DGKB: variants seen among roughly 807,000 people sequenced by gnomAD.
The protein encoded by DGKB is 90 kDa diacylglycerol kinase.
A neutral mutation model predicts 114.3 loss-of-function variants in DGKB; 67 were observed. That is an observed-to-expected ratio of 0.59 (90% confidence interval 0.48 to 0.72). The LOEUF (loss-of-function observed/expected upper bound fraction) is 0.72. Ranked by LOEUF, DGKB falls within the 30% of genes least tolerant of loss-of-function variation. The pLI is 0.00. For synonymous variants in DGKB, 398 were observed against 323.1 expected, an observed-to-expected ratio of 1.23 and a Z score of -2.49; for missense variants, 907 against 975.2, an observed-to-expected ratio of 0.93 and a Z score of 0.93.
chr7:14,363,320 T>G (rs1183507769), intron 21 of DGKB, among the ~76,000 whole-genome samples: 1 of 152,162 alleles, frequency 6.6e-6, no homozygotes, highest in Non-Finnish European at 1.5e-5. Context: ...GCTTTCATAA[T>G]CTTTGCCTAT....
chr7:14,487,144 T>G (rs1462073755), intron 20 of DGKB, among the ~76,000 whole-genome samples: 1 of 152,170 alleles, frequency 6.6e-6, no homozygotes, highest in Non-Finnish European at 1.5e-5. Context: ...GTGGTAGTTG[T>G]GCCTTGTAAT....
chr7:14,965,122 A>T (rs1787079157), intron 1 of DGKB, among the ~76,000 whole-genome samples: 1 of 152,132 alleles, frequency 6.6e-6, no homozygotes. Context: ...TTGGAAGAGA[A>T]TACATTTTAT....
intron 1 of DGKB, among the ~76,000 whole-genome samples, chr7:14,901,669 G>C (rs1783102682): frequency 7.1e-6 from 1 of 140,916 alleles, no homozygotes; most frequent in South Asian, 2.3e-4. Context: ...AGAGGACCTG[G>C]TTAGGTACCC....
chr7:14,322,966 G>A (rs889277681), intron 23 of DGKB, among the ~76,000 whole-genome samples: 4 of 152,070 alleles, frequency 2.6e-5, no homozygotes, highest in Non-Finnish European at 4.4e-5. Flanking sequence ...TGATCATAGC[G>A]CAAATCAGTA....
At chr7:14,260,522 T>G (rs2128411185) in intron 23 of DGKB, among the ~76,000 whole-genome samples, 1 of 152,336 alleles carries the variant, frequency 6.6e-6, no homozygotes, top group East Asian at 1.9e-4. Context: ...ATCATCATTT[T>G]ATAAGAAGTC....
At chr7:14,347,023 T>C (rs928430398) in intron 21 of DGKB, among the ~76,000 whole-genome samples, 1 of 152,062 alleles carries the variant, frequency 6.6e-6, no homozygotes, top group Non-Finnish European at 1.5e-5. Flanking sequence ...ACACTCTCTC[T>C]GTTAAGTACT....
chr7:14,948,541 T>C (rs796101743), intron 1 of DGKB, among the ~76,000 whole-genome samples: 21 of 151,948 alleles, frequency 1.4e-4, no homozygotes, highest in African/African-American at 3.6e-4. Context: ...AAAAAATAGA[T>C]CTTCCAGGAA....
chr7:14,436,731 C>T (rs1829331423), intron 21 of DGKB, among the ~76,000 whole-genome samples: 2 of 152,092 alleles, frequency 1.3e-5, no homozygotes, highest in Admixed American at 6.6e-5. Context: ...AAGAGGTACA[C>T]ATGTTTCTAC....
chr7:14,800,908 G>A (rs984881468), intron 2 of DGKB, among the ~76,000 whole-genome samples: 1 of 152,114 alleles, frequency 6.6e-6, no homozygotes, highest in African/African-American at 2.4e-5. Context: ...GCCAGGAAAA[G>A]AGCCATGACC....
intron 4 of DGKB, among the ~76,000 whole-genome samples, chr7:14,746,919 C>T (rs540865136): frequency 6.6e-6 from 1 of 150,736 alleles, no homozygotes; most frequent in South Asian, 2.1e-4. Context: ...ATAACAGAGA[C>T]AAATAACAAC....
chr7:14,405,208 G>T (rs1823752047), intron 21 of DGKB, among the ~76,000 whole-genome samples: 1 of 151,844 alleles, frequency 6.6e-6, no homozygotes, highest in Non-Finnish European at 1.5e-5. Context: ...AGAAGAATGG[G>T]TAATATTCTT....
chr7:14,305,106 C>T (rs1804250617), intron 23 of DGKB, among the ~76,000 whole-genome samples: 1 of 152,140 alleles, frequency 6.6e-6, no homozygotes, highest in South Asian at 2.1e-4. Context: ...TCTGTCACCT[C>T]AAACATTTAT....
intron 23 of DGKB, among the ~76,000 whole-genome samples, chr7:14,276,379 C>T (rs1241000577): frequency 6.6e-6 from 1 of 152,146 alleles, no homozygotes; most frequent in African/African-American, 2.4e-5. Flanking sequence ...CCAATAAAGA[C>T]ATGATAAAAT....
chr7:14,646,302 G>C (rs2128885567), intron 13 of DGKB, among the ~76,000 whole-genome samples: 1 of 152,232 alleles, frequency 6.6e-6, no homozygotes, highest in African/African-American at 2.4e-5. Flanking sequence ...AAATTAAGTG[G>C]TCAATTCAGT....
intron 20 of DGKB, among the ~76,000 whole-genome samples, chr7:14,524,527 G>A (rs1170458310): frequency 2.0e-5 from 3 of 152,098 alleles, no homozygotes; most frequent in African/African-American, 4.8e-5. Context: ...AGGCCAAGGC[G>A]GGTGGAGCAC....
At chr7:14,609,728 C>G (rs1441034249) in intron 16 of DGKB, among the ~76,000 whole-genome samples, 2 of 151,776 alleles carry the variant, frequency 1.3e-5, no homozygotes, top group Non-Finnish European at 2.9e-5. Context: ...TGAACAGACA[C>G]TTCTTGAAAG....
Position 14,147,938 on chromosome 7 carries a change from G to GT in DGKB, c.*1192dup, listed in dbSNP as rs1461722995. ...GAAATGTCATAAAGATGGGAGTGGAGTAGGTGAGGAGGAGGGAGCTAATTG... is the reference window on the plus strand; with the variant it reads ...GAAATGTCATAAAGATGGGAGTGGAGTTAGGTGAGGAGGAGGGAGCTAATTG... On this transcript the variant is annotated 3_prime_UTR_variant, in exon 26 of 26. Transcript: ENST00000402815. 1.3e-5 allele frequency: 2 copies of GT among 152,136 alleles called. No individual in the cohort carries two copies. Among genetic ancestry groups the GT allele is most frequent in the Non-Finnish European group, 2.9e-5 (2 of 68,000 alleles). 9.4% of individuals were successfully genotyped at this position (152,136 alleles called of 1,614,324 possible).
intron 23 of DGKB, among the ~76,000 whole-genome samples, chr7:14,213,662 C>T (rs1584495127): frequency 6.6e-6 from 1 of 152,110 alleles, no homozygotes; most frequent in South Asian, 2.1e-4. Flanking sequence ...CCTGTGGGAA[C>T]TGGGACTTCA....
intron 2 of DGKB, among the ~76,000 whole-genome samples, chr7:14,804,607 T>C (rs1042157111): frequency 1.2e-4 from 18 of 152,048 alleles, no homozygotes; most frequent in African/African-American, 4.1e-4. Flanking sequence ...AAATATCAAC[T>C]CTCAACCTCC....
Sources: allele counts gnomAD v4.1 joint callset (sites outside exome capture counted in the v4.1 genomes callset), GRCh38; gene constraint gnomAD v4.1.1; transcripts MANE v1.5; gene names NCBI Gene and HGNC (gene_info 2026-07-23, HGNC 2026-07-21).